Variants in XKR9 observed in about 807,000 individuals in gnomAD.
The protein encoded by XKR9 is XK-related protein 9.
XKR9 carries 32 observed loss-of-function variants against 32.0 expected under a neutral mutation model. That is an observed-to-expected ratio of 1.00 (90% CI 0.76 to 1.34). The LOEUF is 1.34. Ranked by LOEUF, XKR9 falls within the 40% of genes most tolerant of loss-of-function variation. The probability of loss-of-function intolerance (pLI) is 0.00; values close to 1 mark genes in which losing one functional copy is unlikely to be tolerated. For synonymous variants in XKR9, 168 were observed against 143.4 expected, an observed-to-expected ratio of 1.17 and a Z score of -1.22; for missense variants, 546 against 429.7, an observed-to-expected ratio of 1.27 and a Z score of -2.39.
chr8:71,013,713 G>A, the XKR9 span, among the ~76,000 whole-genome samples: 32 of 152,144 alleles, frequency 2.1e-4, no homozygotes, highest in Non-Finnish European at 3.2e-4. Flanking sequence ...AATGAGAATG[G>A]TTACCAAATG....
At chr8:70,702,929 T>C (rs1326489759) in intron 3 of XKR9, among the ~76,000 whole-genome samples, 2 of 152,178 alleles carry the variant, frequency 1.3e-5, no homozygotes, top group African/African-American at 4.8e-5. Flanking sequence ...TTTCTGACTT[T>C]TGTTGTTTCT....
chr8:70,953,622 A>C, the XKR9 span, among the ~76,000 whole-genome samples: 3 of 152,044 alleles, frequency 2.0e-5, no homozygotes, highest in Non-Finnish European at 4.4e-5. Context: ...CTGTTATTCC[A>C]TTATTATTTC....
downstream of XKR9, among the ~76,000 whole-genome samples, chr8:70,791,223 G>A (rs746093412): frequency 2.5e-4 from 38 of 151,848 alleles, no homozygotes; most frequent in Admixed American, 6.6e-5. Context: ...TGTAATCCCA[G>A]CGCTTTGGAA....
chr8:70,678,493 C>G (rs1818957252), intron 2 of XKR9, among the ~76,000 whole-genome samples: 1 of 152,072 alleles, frequency 6.6e-6, no homozygotes, highest in Non-Finnish European at 1.5e-5. Flanking sequence ...CTTGATATAT[C>G]CAGGAAAGCC....
At chr8:70,827,366 A>G in the XKR9 span, among the ~76,000 whole-genome samples, 1 of 152,192 alleles carries the variant, frequency 6.6e-6, no homozygotes, top group African/African-American at 2.4e-5. Flanking sequence ...TTAAGACTCA[A>G]CATTATTTAG....
At chr8:70,791,811 A>G (rs1807767431), downstream of XKR9, among the ~76,000 whole-genome samples, 1 of 152,060 alleles carries the variant, frequency 6.6e-6, no homozygotes, top group African/African-American at 2.4e-5. Flanking sequence ...GAATTTTTGG[A>G]TTGTATAAAA....
chr8:70,868,311 G>A, the XKR9 span, among the ~76,000 whole-genome samples: 3 of 152,148 alleles, frequency 2.0e-5, no homozygotes, highest in East Asian at 5.8e-4. Flanking sequence ...CACTTCCCTA[G>A]CAGAGGGTCT....
the XKR9 span, among the ~76,000 whole-genome samples, chr8:70,815,524 T>TATTTATTC: frequency 6.6e-6 from 1 of 150,618 alleles, no homozygotes; most frequent in African/African-American, 2.4e-5. Context: ...TTTATTTATT[T>TATTTATTC]ATTTATTTAT....
chr8:70,924,075 C>T, the XKR9 span, among the ~76,000 whole-genome samples: 14 of 152,238 alleles, frequency 9.2e-5, no homozygotes, highest in South Asian at 2.1e-4. Context: ...TGCTAATTCC[C>T]GGGGATCAAT....
At chr8:70,724,833 T>C (rs1806408328) in intron 4 of XKR9, among the ~76,000 whole-genome samples, 2 of 152,198 alleles carry the variant, frequency 1.3e-5, no homozygotes, top group African/African-American at 2.4e-5. Flanking sequence ...CATCTTAGTC[T>C]GGGTTTTCTT....
the XKR9 span, among the ~76,000 whole-genome samples, chr8:70,839,327 G>A: frequency 6.6e-6 from 1 of 152,110 alleles, no homozygotes; most frequent in Non-Finnish European, 1.5e-5. Context: ...TTAACCTCCT[G>A]AATCTGCACC....
At chr8:70,671,801 A>T (rs1818724957) in intron 1 of XKR9, among the ~76,000 whole-genome samples, 1 of 113,524 alleles carries the variant, frequency 8.8e-6, no homozygotes, top group East Asian at 2.0e-4. Flanking sequence ...CATACGTGTG[A>T]TTGTTTATCT....
the XKR9 span, among the ~76,000 whole-genome samples, chr8:70,974,050 A>G: frequency 3.4e-4 from 52 of 152,308 alleles, no homozygotes; most frequent in South Asian, 3.7e-3. Context: ...GTCTAATGCT[A>G]TCAGTGGAGT....
At chr8:70,688,133 C>G (rs1271690424) in intron 3 of XKR9, among the ~76,000 whole-genome samples, 1 of 152,200 alleles carries the variant, frequency 6.6e-6, no homozygotes, top group Non-Finnish European at 1.5e-5. Flanking sequence ...GGCACATGAT[C>G]TAGAAAAGAG....
chr8:70,704,369 G>A (rs1014789966), intron 3 of XKR9, among the ~76,000 whole-genome samples: 22 of 152,154 alleles, frequency 1.4e-4, no homozygotes, highest in Non-Finnish European at 2.9e-4. Context: ...TAAAGACACT[G>A]GACATTAAAA....
chr8:71,013,996 CT>C, the XKR9 span, among the ~76,000 whole-genome samples: 1 of 152,134 alleles, frequency 6.6e-6, no homozygotes, highest in African/African-American at 2.4e-5. Context: ...CCCGATGCCC[CT>C]GTGCCTACTC....
chr8:71,024,436 AT>A, the XKR9 span, among the ~76,000 whole-genome samples: 1 of 152,094 alleles, frequency 6.6e-6, no homozygotes, highest in East Asian at 1.9e-4. Flanking sequence ...GGGGGATGTC[AT>A]TGGGGCTTCA....
downstream of XKR9, among the ~76,000 whole-genome samples, chr8:70,794,265 G>T (rs1807800813): frequency 6.6e-6 from 1 of 151,886 alleles, no homozygotes; most frequent in South Asian, 2.1e-4. Flanking sequence ...AGTATTTTAG[G>T]ATTTTTACAG....
the XKR9 span, among the ~76,000 whole-genome samples, chr8:70,796,670 T>C: frequency 3.2e-3 from 487 of 152,314 alleles, 14 homozygotes; most frequent in Non-Finnish European, 2.4e-4. Context: ...GTAAAGCATA[T>C]CACTGTAAGG....
Sources: allele counts gnomAD v4.1 joint callset (sites outside exome capture counted in the v4.1 genomes callset), GRCh38; gene constraint gnomAD v4.1.1; transcripts MANE v1.5; gene names NCBI Gene and HGNC (gene_info 2026-07-23, HGNC 2026-07-21).